Variants in MATN2 observed in about 807,000 individuals in gnomAD.
MATN2 encodes the protein matrilin-2.
Under a neutral mutation model 103.2 loss-of-function variants are expected in MATN2, and 69 were observed. The ratio of observed to expected loss-of-function variants is 0.67; its 90% CI spans 0.55 to 0.82. The LOEUF (loss-of-function observed/expected upper bound fraction) is 0.82, where lower values mean the gene tolerates loss of function less well. Among genes scored for constraint, MATN2 ranks in the 40% least tolerant of loss-of-function variants. The pLI is 0.00. For synonymous variants in MATN2, 429 were observed against 450.2 expected (o/e 0.95, Z 0.60); for missense variants, 1,023 against 1,211.5 (o/e 0.84, Z 2.31).
chr8:97,998,670 AAT>A (rs1812684507), intron 7 of MATN2, among the ~76,000 whole-genome samples: 2 of 150,642 alleles, frequency 1.3e-5, no homozygotes, highest in East Asian at 1.9e-4. Context: ...AAATTTTAAA[AAT>A]TTTTTTTTAT....
At chr8:97,943,359 C>T (rs1187005968) in intron 4 of MATN2, among the ~76,000 whole-genome samples, 1 of 151,956 alleles carries the variant, frequency 6.6e-6, no homozygotes, top group Admixed American at 6.6e-5. Flanking sequence ...AGCTTCCCAC[C>T]ATCTTGCCCA....
At chr8:97,934,867 AGC>A in intron 3 of MATN2, among the ~76,000 whole-genome samples, 1 of 152,352 alleles carries the variant, frequency 6.6e-6, no homozygotes, top group Middle Eastern at 3.4e-3. Context: ...TTTTATCTGT[AGC>A]TATCTGCTTA....
chr8:98,002,131 C>T (rs940950846), intron 7 of MATN2, among the ~76,000 whole-genome samples: 4 of 152,182 alleles, frequency 2.6e-5, no homozygotes, highest in Non-Finnish European at 5.9e-5. Context: ...CTCTATCTTC[C>T]CTGGAGCCTG....
At chr8:97,954,915 C>T (rs922198380) in intron 4 of MATN2, among the ~76,000 whole-genome samples, 1 of 152,136 alleles carries the variant, frequency 6.6e-6, no homozygotes, top group Non-Finnish European at 1.5e-5. Flanking sequence ...GGACTTCACC[C>T]CTAGTGGCAG....
chr8:97,985,690 A>G (rs1812168424), intron 6 of MATN2, among the ~76,000 whole-genome samples: 1 of 152,200 alleles, frequency 6.6e-6, no homozygotes, highest in Non-Finnish European at 1.5e-5. Context: ...TCTATGAAAT[A>G]AAATGATCTG....
intron 10 of MATN2, among the ~76,000 whole-genome samples, chr8:98,015,498 C>T (rs1429929665): frequency 1.3e-5 from 2 of 152,214 alleles, no homozygotes; most frequent in Non-Finnish European, 2.9e-5. Flanking sequence ...AACACACCAA[C>T]CAAGCAGCTC....
chr8:97,963,250 A>C (rs913202355), intron 5 of MATN2, among the ~76,000 whole-genome samples: 2 of 152,228 alleles, frequency 1.3e-5, no homozygotes, highest in Non-Finnish European at 2.9e-5. Flanking sequence ...AAATGGGTAG[A>C]AACTCTGAGT....
intron 2 of MATN2, among the ~76,000 whole-genome samples, chr8:97,928,945 T>C (rs1738867056): frequency 6.6e-6 from 1 of 152,228 alleles, no homozygotes; most frequent in African/African-American, 2.4e-5. Flanking sequence ...AAACTTGTTC[T>C]GAAAATCAAA....
In MATN2 at chr8:97,957,069, G is replaced by T. The variant is rs144113130; in HGVS notation, c.836-4339G>T. 9.5e-4 allele frequency among the ~76,000 whole-genome samples: 145 copies of T among 152,320 alleles called. 1 individual carries two copies. The highest frequency in any genetic ancestry group is 3.3e-3 in the African/African-American group (138 of 41,564). On this transcript the variant is annotated intron_variant, in intron 4 of 18. Transcript: ENST00000254898. The stretch of plus-strand genomic sequence containing the variant: ...CTTCCAATACCATGGGATCAGTGCC[G>T]AAATGCTAGAGCGGAGCCATGTCTA...
At chr8:97,971,007 A>G (rs1811636033) in intron 5 of MATN2, among the ~76,000 whole-genome samples, 1 of 152,186 alleles carries the variant, frequency 6.6e-6, no homozygotes, top group Admixed American at 6.5e-5. Flanking sequence ...ATGTAAACAT[A>G]TGGGGGAAAA....
chr8:98,000,893 G>A (rs143793640), intron 7 of MATN2, among the ~76,000 whole-genome samples: 1 of 152,284 alleles, frequency 6.6e-6, no homozygotes, highest in African/African-American at 2.4e-5. Flanking sequence ...TGCTACGAAA[G>A]AGAGGTCCTG....
At chr8:97,993,708 C>T (rs1324479122) in intron 6 of MATN2, among the ~76,000 whole-genome samples, 1 of 152,116 alleles carries the variant, frequency 6.6e-6, no homozygotes. Flanking sequence ...GTATTTATGC[C>T]TTTCACTCCT....
At position 97,989,324 on chromosome 8, in the gene MATN2, C is replaced by A. The variant is rs542027791; in HGVS notation, c.1082-5156C>A. ...CTCTCCTAAAAATAGAAGAAATTAG[C>A]TGGGCATGGTGGCAGGCACCTGTAG... is the stretch of plus-strand genomic sequence containing the variant. On this transcript the variant is annotated intron_variant, in intron 6 of 18. Transcript: ENST00000254898. Among the ~76,000 whole-genome samples the A allele has an allele frequency of 2.6e-5, 4 of 152,252 alleles. No individual in the cohort carries two copies. The South Asian group carries it at 8.3e-4, about 32-fold the overall frequency.
intron 1 of MATN2, among the ~76,000 whole-genome samples, chr8:97,875,698 T>G (rs1158038567): frequency 1.5e-5 from 2 of 131,338 alleles, no homozygotes; most frequent in Admixed American, 1.5e-4. Context: ...CTGTTTTTTT[T>G]TTTTTTTTTT....
chr8:98,033,786 G>C, intron 18 of MATN2, 127 bp downstream of exon 18: 1 of 701,558 alleles, frequency 1.4e-6, no homozygotes, highest in Admixed American at 2.9e-5. Flanking sequence ...TGATCTCCAG[G>C]AAAGGCTTTT....
At chr8:97,963,827 T>TC (rs754382319) in intron 5 of MATN2, among the ~76,000 whole-genome samples, 43 of 152,166 alleles carry the variant, frequency 2.8e-4, no homozygotes, top group Non-Finnish European at 5.1e-4. Context: ...AAGCACTCGA[T>TC]CTGTTAGAGG....
At chr8:97,924,065 C>T (rs764399865) in intron 2 of MATN2, among the ~76,000 whole-genome samples, 3 of 152,174 alleles carry the variant, frequency 2.0e-5, no homozygotes, top group African/African-American at 7.2e-5. Flanking sequence ...TTTCCTGCTT[C>T]CCCAGCTTCA....
At chr8:97,984,466 T>C (rs889716620) in intron 6 of MATN2, among the ~76,000 whole-genome samples, 1 of 152,204 alleles carries the variant, frequency 6.6e-6, no homozygotes, top group Admixed American at 6.5e-5. Context: ...CCAATTTGTG[T>C]GTGGAGGAAT....
At chr8:97,991,875 G>A (rs1812402088) in intron 6 of MATN2, among the ~76,000 whole-genome samples, 1 of 152,066 alleles carries the variant, frequency 6.6e-6, no homozygotes, top group South Asian at 2.1e-4. Flanking sequence ...AATTTTAATT[G>A]TTATTTCATT....
Sources: gnomAD v4.1 joint callset for allele counts (sites outside exome capture counted in the v4.1 genomes callset) on GRCh38, gnomAD v4.1.1 for gene constraint, MANE v1.5 for transcripts, NCBI Gene and HGNC (gene_info 2026-07-23, HGNC 2026-07-21) for gene names.